The following TGS1 variants were observed in gnomAD, a reference collection of about 807,000 sequenced individuals.
TGS1 encodes trimethylguanosine synthase 1, also known as trimethylguanosine synthase.
A neutral mutation model predicts 92.2 loss-of-function variants in TGS1; 69 were observed. The observed-to-expected ratio is 0.75, with a 90% CI of 0.62 to 0.91. The LOEUF (loss-of-function observed/expected upper bound fraction) is 0.91, where lower values mean the gene tolerates loss of function less well. Among genes scored for constraint, TGS1 ranks in the 40% least tolerant of loss-of-function variants. The probability of loss-of-function intolerance (pLI) is 0.00; values close to 1 mark genes in which losing one functional copy is unlikely to be tolerated. For missense variants in TGS1, 1,062 were observed against 1,001.2 expected, an observed-to-expected ratio of 1.06 and a Z score of -0.82; for synonymous variants, 345 against 338.1, an observed-to-expected ratio of 1.02 and a Z score of -0.22.
Position 55,787,145 on chromosome 8 carries a change from A to G in TGS1, c.1162+85A>G, listed in dbSNP as rs554939598. The G allele has an allele frequency of 6.0e-5, 53 of 878,660 alleles. 1 individual carries two copies. In the South Asian group the frequency reaches 8.3e-4, roughly 14 times the overall value. The allele number at this position is 878,660 out of a possible 1,614,324, so 54.4% of individuals were successfully genotyped here. A position where few individuals can be genotyped will look rare whatever the true frequency, so the allele number is the denominator to read the frequency against. On this transcript the variant is annotated intron_variant, in intron 4 of 12. Coordinates refer to ENST00000260129, the MANE Select transcript of TGS1 (RefSeq NM_024831.8). ...AAAATAACTACTAATCCTTTATTGTAGAGTTAAATAATACCAAGTACATTT... is the reference window on the plus strand; with the variant it reads ...AAAATAACTACTAATCCTTTATTGTGGAGTTAAATAATACCAAGTACATTT...
At position 55,790,200 on chromosome 8, in the gene TGS1, GAGCAAACACA is replaced by G; in HGVS notation, c.1188_1197del (p.Asn396LysfsTer26). On this transcript the variant is annotated frameshift_variant, in exon 5 of 13. Transcript: ENST00000260129. LOFTEE classifies it high-confidence loss of function. ...TCTTTAGATTCACAGAAGTCTTCAG[GAGCAAACACA>G]AGCAAAGACAGACCACATGCCAGTG... The G allele has an allele frequency of 1.9e-6, 3 of 1,613,912 alleles. No individual in the cohort carries two copies. Among genetic ancestry groups the G allele is most frequent in the South Asian group, 1.1e-5 (1 of 91,070 alleles).
rs1397461800 is a variant in TGS1 at position 55,810,819 on chromosome 8, A to G, written c.2144-62A>G. 15 of 1,361,546 alleles carry G rather than the reference A, an allele frequency of 1.1e-5. No individual in the cohort carries two copies. The East Asian group carries it at 3.0e-4, about 27-fold the overall frequency. The allele number at this position is 1,361,546 out of a possible 1,614,324, so 84.3% of individuals were successfully genotyped here. On this transcript the variant is annotated intron_variant, in intron 10 of 12. Transcript: ENST00000260129. ...AGATGACAGACTATTCGAAAGACAA[A>G]CTATCCTATATAAGTAATAATCAGT...
At chr8:55,788,488 C>T (rs1370259333) in intron 4 of TGS1, among the ~76,000 whole-genome samples, 1 of 126,078 alleles carries the variant, frequency 7.9e-6, no homozygotes, top group Non-Finnish European at 1.6e-5. Flanking sequence ...TGGAGTCTCA[C>T]TCTGTCACCC....
At chr8:55,809,750 TGATA>T (rs1803290136) in intron 10 of TGS1, among the ~76,000 whole-genome samples, 1 of 152,188 alleles carries the variant, frequency 6.6e-6, no homozygotes, top group African/African-American at 2.4e-5. Context: ...TTCTTTTATG[TGATA>T]GATTGAATGC....
intron 1 of TGS1, among the ~76,000 whole-genome samples, chr8:55,777,398 G>A (rs1811431979): frequency 6.6e-6 from 1 of 151,670 alleles, no homozygotes; most frequent in Admixed American, 6.6e-5. Context: ...TGTTGGTATA[G>A]CAACAATCCC....
At chr8:55,808,009 GA>G (rs1164768934) in intron 10 of TGS1, among the ~76,000 whole-genome samples, 4 of 152,202 alleles carry the variant, frequency 2.6e-5, no homozygotes, top group African/African-American at 4.8e-5. Flanking sequence ...AGTAGCTGTA[GA>G]AAAAACAGAC....
In TGS1 at chr8:55,784,343, T is replaced by C. The variant is rs112028173; in HGVS notation, c.167-1376T>C. On this transcript the variant is annotated intron_variant, in intron 2 of 12. Coordinates refer to ENST00000260129, the MANE Select transcript of TGS1 (RefSeq NM_024831.8). ...AGAGCTTGAAAAAAATCTTCCAGTT[T>C]AGGGGATTTCAAACCTTTCTCTTTT... is the stretch of plus-strand genomic sequence containing the variant. Among the ~76,000 whole-genome samples, 888 of 152,248 alleles carry C rather than the reference T, an allele frequency of 5.8e-3. 4 individuals are homozygous for C. The highest frequency in any genetic ancestry group is 0.02 in the African/African-American group (832 of 41,544).
At chr8:55,822,557 T>C (rs1585799846) in intron 12 of TGS1, among the ~76,000 whole-genome samples, 1 of 151,456 alleles carries the variant, frequency 6.6e-6, no homozygotes, top group Non-Finnish European at 1.5e-5. Flanking sequence ...ACCTTTTTTT[T>C]TTTTCCCCCT....
Position 55,813,265 on chromosome 8 carries a change from A to G in TGS1, c.2439+147A>G, listed in dbSNP as rs991453715. 3 of 603,558 alleles carry G rather than the reference A, an allele frequency of 5.0e-6. No individual in the cohort carries two copies. The African/African-American group carries it at 5.6e-5, about 11-fold the overall frequency. 37.4% of individuals were successfully genotyped at this position (603,558 alleles called of 1,614,324 possible). A position where few individuals can be genotyped will look rare whatever the true frequency, so the allele number is the denominator to read the frequency against. ...TTCTTAGAAAGCTGGAAGTATCTGG[A>G]AGTTAGATCCATGTCTATTACATCG... is the stretch of plus-strand genomic sequence containing the variant. On this transcript the variant is annotated intron_variant, in intron 12 of 12. Transcript: ENST00000260129.
chr8:55,808,161 G>T (rs1803231895), intron 10 of TGS1, among the ~76,000 whole-genome samples: 1 of 152,112 alleles, frequency 6.6e-6, no homozygotes, highest in Non-Finnish European at 1.5e-5. Flanking sequence ...ATGCTCCAAG[G>T]CATGATATTT....
At chr8:55,796,646 C>A (rs1812060547) in intron 7 of TGS1, among the ~76,000 whole-genome samples, 1 of 151,516 alleles carries the variant, frequency 6.6e-6, no homozygotes, top group African/African-American at 2.4e-5. Flanking sequence ...CGAGATCGCG[C>A]CTTTTCACTT....
chr8:55,799,649 C>A (rs1812165651), intron 8 of TGS1, among the ~76,000 whole-genome samples: 1 of 152,216 alleles, frequency 6.6e-6, no homozygotes, highest in South Asian at 2.1e-4. Context: ...ACAATCACAG[C>A]TCACTACATC....
chr8:55,778,101 A>T (rs192947659), intron 1 of TGS1, among the ~76,000 whole-genome samples: 45 of 152,118 alleles, frequency 3.0e-4, no homozygotes, highest in African/African-American at 1.1e-3. Context: ...GCGAAACCCC[A>T]TCTCTACTAA....
intron 5 of TGS1, among the ~76,000 whole-genome samples, chr8:55,792,210 T>TA (rs1472661898): frequency 6.6e-6 from 1 of 152,246 alleles, no homozygotes; most frequent in Non-Finnish European, 1.5e-5. Context: ...AGATCTCTAG[T>TA]AGGTGGATTC....
intron 12 of TGS1, among the ~76,000 whole-genome samples, chr8:55,814,003 A>G (rs1803405252): frequency 1.3e-5 from 2 of 152,084 alleles, no homozygotes; most frequent in Non-Finnish European, 2.9e-5. Context: ...GCTGGAGTGC[A>G]ATGGCCCAAA....
intron 9 of TGS1, among the ~76,000 whole-genome samples, chr8:55,803,550 C>G (rs1053347113): frequency 6.6e-6 from 1 of 152,074 alleles, no homozygotes; most frequent in African/African-American, 2.4e-5. Context: ...AAAACACTTG[C>G]AATTCTATAA....
intron 1 of TGS1, among the ~76,000 whole-genome samples, chr8:55,780,145 C>G (rs773314701): frequency 6.6e-6 from 1 of 150,558 alleles, no homozygotes; most frequent in Non-Finnish European, 1.5e-5. Flanking sequence ...GCATGAGCCA[C>G]CATGTCTGGC....
At chr8:55,795,385 G>A (rs909178768) in intron 6 of TGS1, among the ~76,000 whole-genome samples, 4 of 152,166 alleles carry the variant, frequency 2.6e-5, no homozygotes, top group African/African-American at 7.2e-5. Context: ...TAAAGTGTAC[G>A]TGACACTCTT....
chr8:55,778,698 A>C (rs1350967185), intron 1 of TGS1, among the ~76,000 whole-genome samples: 3 of 152,210 alleles, frequency 2.0e-5, no homozygotes. Context: ...GGCCTTAGGC[A>C]AGTCACATAT....
Sources: gnomAD v4.1 joint callset for allele counts (sites outside exome capture counted in the v4.1 genomes callset) on GRCh38, gnomAD v4.1.1 for gene constraint, MANE v1.5 for transcripts, NCBI Gene and HGNC (gene_info 2026-07-23, HGNC 2026-07-21) for gene names.